Variants in FBXL19 observed in about 807,000 individuals in gnomAD.
FBXL19 encodes F-box and leucine rich repeat protein 19, also known as F-box/LRR-repeat protein 19.
FBXL19 carries 16 observed loss-of-function variants against 71.2 expected under a neutral mutation model. The observed-to-expected ratio is 0.22, with a 90% CI of 0.15 to 0.34. The LOEUF is 0.34. Ranked by LOEUF, FBXL19 falls within the 10% of genes least tolerant of loss-of-function variation. FBXL19 has a pLI of 1.00. For missense variants in FBXL19, 658 were observed against 968.2 expected (o/e 0.68, Z 4.25); for synonymous variants, 447 against 409.4 (o/e 1.09, Z -1.11).
In FBXL19 at chr16:30,927,847, C is replaced by A; in HGVS notation, c.511C>A (p.Pro171Thr). The change falls in exon 5 of 11, where the codon CCC (proline) becomes ACC (threonine). Residue 171 changes from proline to threonine, a missense_variant. By Grantham distance (38) the Pro-to-Thr change is conservative. Around this residue, in one of 8 missense-constraint regions of FBXL19, gnomAD observed 447 missense variants for 515.4 expected, o/e 0.87. Transcript: ENST00000338343. ...GACAGAGGAGCCACCGCTTCCACCG[C>A]CCCCGCCCAGGCGCAAGGGCCCCCT... ...KLTEEPPLPP[P>T]PPRRKGPLPA... is the part of the protein sequence containing the mutation. 3.2e-6 allele frequency: 5 copies of A among 1,542,980 alleles called. No individual in the cohort carries two copies. The highest frequency in any genetic ancestry group is 4.4e-6 in the Non-Finnish European group (5 of 1,144,896).
rs545641339 is a variant in FBXL19, at chr16:30,942,654, A to C, written c.1627+118A>C. On this transcript the variant is annotated intron_variant, in intron 9 of 10. Coordinates refer to ENST00000338343, the MANE Select transcript of FBXL19 (RefSeq NM_001382779.1). The surrounding 1 kb of genome is among the most constrained non-coding windows in gnomAD (Gnocchi z 5.7). Reference sequence around the variant, plus strand: ...AGTATTTGAAGAAAGGAAAGAATACATGAGTTTGAATAGGAAGGCCCTGGT... The same window carrying C: ...AGTATTTGAAGAAAGGAAAGAATACCTGAGTTTGAATAGGAAGGCCCTGGT... 1 of 1,420,214 alleles carries C rather than the reference A, an allele frequency of 7.0e-7. No individual in the cohort carries two copies. The highest frequency in any genetic ancestry group is 1.4e-5 in the African/African-American group (1 of 69,592). The allele number at this position is 1,420,214 out of a possible 1,614,324, so 88.0% of individuals were successfully genotyped here.
chr16:30,947,020 G>A, intron 10 of FBXL19, 32 bp from the exon 11 acceptor site: 1 of 1,579,024 alleles, frequency 6.3e-7, no homozygotes, highest in Non-Finnish European at 8.6e-7. Context: ...TTGCTCACCT[G>A]CCTGGTCTCA....
chr16:30,943,854 TTCTTCCCACCATGCCCCC>T (rs2143388464), intron 9 of FBXL19, among the ~76,000 whole-genome samples: 1 of 152,310 alleles, frequency 6.6e-6, no homozygotes, highest in South Asian at 2.1e-4. Context: ...CATAGTTCCC[TTCTTCCCACCATGCCCCC>T]TCCACAACAG....
chr16:30,929,809 C>T (rs2055648085), intron 6 of FBXL19, among the ~76,000 whole-genome samples: 1 of 152,356 alleles, frequency 6.6e-6, no homozygotes, highest in African/African-American at 2.4e-5. Flanking sequence ...CCGCCTCGGC[C>T]TCCCAGAGTG....
At chr16:30,926,602 ACCTC>A (rs959500460) in intron 2 of FBXL19, among the ~76,000 whole-genome samples, 1 of 140,894 alleles carries the variant, frequency 7.1e-6, no homozygotes, top group Non-Finnish European at 1.6e-5. Flanking sequence ...CCACTCTGCC[ACCTC>A]CCTCTCTTCC....
In FBXL19 at chr16:30,946,820, T is replaced by C; in HGVS notation, c.1718T>C (p.Leu573Pro). The C allele has an allele frequency of 1.2e-6, 2 of 1,612,986 alleles. No individual in the cohort carries two copies. Among genetic ancestry groups the C allele is most frequent in the Non-Finnish European group, 1.7e-6 (2 of 1,179,698 alleles). The change falls in exon 10 of 11, where the codon CTG becomes CCG. Residue 573 changes from leucine (L) to proline (P), a missense_variant. Coordinates refer to ENST00000338343, the MANE Select transcript of FBXL19 (RefSeq NM_001382779.1). The surrounding 1 kb of genome is among the most constrained non-coding windows in gnomAD (Gnocchi z 6.7). ...ELTDASLRLLLRHAPQLSALD... is the reference protein window; with the variant it reads ...ELTDASLRLLPRHAPQLSALD... ...ACAGATGCCTCCCTGCGTCTCCTGCTGCGTCACGCACCCCAGCTGAGCGCC... is the reference window on the plus strand; with the variant it reads ...ACAGATGCCTCCCTGCGTCTCCTGCCGCGTCACGCACCCCAGCTGAGCGCC...
At chr16:30,934,048 C>T (rs1366433865) in intron 7 of FBXL19, among the ~76,000 whole-genome samples, 2 of 151,830 alleles carry the variant, frequency 1.3e-5, no homozygotes, top group African/African-American at 2.4e-5. Flanking sequence ...CCACCACGCC[C>T]GGTGTAAGGA....
At chr16:30,940,949 G>A (rs1193643982) in intron 7 of FBXL19, among the ~76,000 whole-genome samples, 1 of 152,052 alleles carries the variant, frequency 6.6e-6, no homozygotes, top group African/African-American at 2.4e-5. Flanking sequence ...GATTACAGGT[G>A]TGAGCCACTG....
In FBXL19 at chr16:30,947,482, T is replaced by A; in HGVS notation, c.*252T>A. On this transcript the variant is annotated 3_prime_UTR_variant, in exon 11 of 11. Transcript: ENST00000338343. ...ATTGTCCATCCCCTGGGGGAGTGGG[T>A]CAGAGGTACTGGAGGGTGCTGAGCC... The A allele has an allele frequency of 1.9e-6, 1 of 518,006 alleles. No homozygotes were observed. The highest frequency in any genetic ancestry group is 2.3e-5 in the South Asian group (1 of 44,030). The allele number at this position is 518,006 out of a possible 1,614,324, so 32.1% of individuals were successfully genotyped here.
intron 7 of FBXL19, among the ~76,000 whole-genome samples, chr16:30,933,447 G>A (rs1231495495): frequency 6.7e-6 from 1 of 149,930 alleles, no homozygotes; most frequent in African/African-American, 2.5e-5. Flanking sequence ...CCTTATTTTT[G>A]TTTGTTTTGT....
intron 7 of FBXL19, among the ~76,000 whole-genome samples, chr16:30,935,214 C>T (rs1458609804): frequency 6.6e-6 from 1 of 152,132 alleles, no homozygotes; most frequent in Non-Finnish European, 1.5e-5. Flanking sequence ...GGACTTGATT[C>T]GTTTGTTCCT....
At chr16:30,936,695 C>T (rs2055739830) in intron 7 of FBXL19, among the ~76,000 whole-genome samples, 1 of 150,546 alleles carries the variant, frequency 6.6e-6, no homozygotes, top group Non-Finnish European at 1.5e-5. Flanking sequence ...ATCCACCTGC[C>T]TCAGCCTCCC....
At chr16:30,937,186 A>C (rs890792446) in intron 7 of FBXL19, among the ~76,000 whole-genome samples, 1 of 152,004 alleles carries the variant, frequency 6.6e-6, no homozygotes, top group Admixed American at 6.6e-5. Flanking sequence ...TGCTGAAGTC[A>C]CTGTGATCAG....
chr16:30,932,284 G>A (rs1257891249), intron 7 of FBXL19, among the ~76,000 whole-genome samples: 3 of 151,880 alleles, frequency 2.0e-5, no homozygotes, highest in African/African-American at 7.3e-5. Flanking sequence ...ATGTAGATCT[G>A]TGCCCTTGAA....
intron 6 of FBXL19, among the ~76,000 whole-genome samples, chr16:30,929,340 T>C (rs924443237): frequency 3.9e-5 from 6 of 152,148 alleles, no homozygotes; most frequent in African/African-American, 1.2e-4. Flanking sequence ...AGTCAGCCGA[T>C]GCGGGGTGCT....
At position 30,947,043 on chromosome 16, in the gene FBXL19, C is replaced by G; in HGVS notation, c.1847-9C>G. On this transcript the variant is annotated splice_polypyrimidine_tract_variant and intron_variant, in intron 10 of 10. Coordinates refer to ENST00000338343, the MANE Select transcript of FBXL19 (RefSeq NM_001382779.1). ...CTGCCTGGTCTCAGCTCCACTGCCC[C>G]ATCCCCAGGTTGCCACCGCCTAACG... 1 of 1,588,232 alleles carries G rather than the reference C, an allele frequency of 6.3e-7. No individual in the cohort carries two copies.
Position 30,930,649 on chromosome 16 carries a change from G to A in FBXL19, c.1301+65G>A. 4.3e-6 allele frequency: 6 copies of A among 1,393,664 alleles called. No homozygotes were observed. The highest frequency in any genetic ancestry group is 2.8e-5 in the East Asian group (1 of 36,158). 86.3% of individuals were successfully genotyped at this position (1,393,664 alleles called of 1,614,324 possible). On this transcript the variant is annotated intron_variant, in intron 7 of 10. Transcript: ENST00000338343. This position sits in a 1 kb window ranked among gnomAD's most constrained non-coding sequence, Gnocchi z 8.5. ...GCTTCCCGCTTGCTGGGTGACCTGC[G>A]GTAGGTCTCTGGCCCTCTCTGGGCC... is the stretch of plus-strand genomic sequence containing the variant.
At chr16:30,928,426 G>C (rs2055629067) in intron 5 of FBXL19, 41 bp from the exon 6 acceptor site, 4 of 1,499,654 alleles carry the variant, frequency 2.7e-6, no homozygotes, top group Non-Finnish European at 1.8e-6. Flanking sequence ...GGGCCTAATG[G>C]GGTCTCTCCC....
chr16:30,938,878 C>A (rs997097015), intron 7 of FBXL19, among the ~76,000 whole-genome samples: 6 of 149,568 alleles, frequency 4.0e-5, no homozygotes, highest in Non-Finnish European at 4.5e-5. Context: ...TCTCGTGATC[C>A]GCCTGCCTCG....
Sources: gnomAD v4.1 joint callset for allele counts (sites outside exome capture counted in the v4.1 genomes callset) on GRCh38, gnomAD v4.1.1 for gene constraint, gnomAD v4.1.1 regional missense constraint, Gnocchi (gnomAD v3.1) non-coding constraint, MANE v1.5 for transcripts, NCBI Gene and HGNC (gene_info 2026-07-23, HGNC 2026-07-21) for gene names.